The following GNG4 variants were observed in gnomAD, a reference collection of about 807,000 sequenced individuals.
The protein encoded by GNG4 is G protein subunit gamma 4, also known as guanine nucleotide-binding protein G(I)/G(S)/G(O) subunit gamma-4.
In GNG4, 4 loss-of-function variants were observed where a neutral mutation model predicts 5.8. That is an observed-to-expected ratio of 0.69 (90% CI 0.34 to 1.57). GNG4 has a LOEUF of 1.57. Among genes scored for constraint, GNG4 ranks in the 40% most tolerant of loss-of-function variants. The pLI is 0.06. For missense variants in GNG4, 96 were observed against 95.1 expected (o/e 1.01, Z -0.04); for synonymous variants, 29 against 32.9 (o/e 0.88, Z 0.41).
intron 1 of GNG4, among the ~76,000 whole-genome samples, chr1:235,601,514 G>A (rs1039352024): frequency 6.6e-6 from 1 of 152,124 alleles, no homozygotes; most frequent in Non-Finnish European, 1.5e-5. Flanking sequence ...AATGAGACTT[G>A]CCCGCCCTCA....
In GNG4 at chr1:235,644,370, C is replaced by G. The variant is rs1439498053; in HGVS notation, c.-123+5292G>C. Among the ~76,000 whole-genome samples, 2 of 152,242 alleles carry G rather than the reference C, an allele frequency of 1.3e-5. No homozygotes were observed. The highest frequency in any genetic ancestry group is 4.8e-5 in the African/African-American group (2 of 41,468). On this transcript the variant is annotated intron_variant, in intron 1 of 3. Transcript: ENST00000391854. The surrounding 1 kb of genome is among the most constrained non-coding windows in gnomAD (Gnocchi z 5.9). ...ACATTTTGGAATTTTCTACTCACAT[C>G]CACCGAGCGACCCTCCTCGGCCACC... is the stretch of plus-strand genomic sequence containing the variant.
Position 235,642,169 on chromosome 1 carries a change from G to A in GNG4, c.-123+7493C>T, listed in dbSNP as rs1002717795. Among the ~76,000 whole-genome samples, 3 of 152,180 alleles carry A rather than the reference G, an allele frequency of 2.0e-5. No individual in the cohort carries two copies. Among genetic ancestry groups the A allele is most frequent in the Non-Finnish European group, 2.9e-5 (2 of 68,042 alleles). The stretch of plus-strand genomic sequence containing the variant: ...ACAGCTAACCACAGCGGTCCGAGGC[G>A]AACGCAGGGTGGAAGAACCCGAGCG... On this transcript the variant is annotated intron_variant, in intron 1 of 3. Coordinates refer to ENST00000391854, the MANE Select transcript of GNG4 (RefSeq NM_001098722.2). This position sits in a 1 kb window ranked among gnomAD's most constrained non-coding sequence, Gnocchi z 4.3.
At chr1:235,613,861 C>T (rs190749581) in intron 1 of GNG4, among the ~76,000 whole-genome samples, 1 of 152,124 alleles carries the variant, frequency 6.6e-6, no homozygotes, top group African/African-American at 2.4e-5. Flanking sequence ...GGTGTGTGAA[C>T]CTTTCAAGCA....
At position 235,567,666 on chromosome 1, in the gene GNG4, T is replaced by A. The variant is rs144271237; in HGVS notation, c.100-15429A>T. Among the ~76,000 whole-genome samples, 556 of 152,314 alleles carry A rather than the reference T, an allele frequency of 3.7e-3. 5 individuals carry two copies. Among genetic ancestry groups the A allele is most frequent in the African/African-American group, 0.011 (443 of 41,556 alleles). On this transcript the variant is annotated intron_variant, in intron 3 of 3. Coordinates refer to ENST00000391854, the MANE Select transcript of GNG4 (RefSeq NM_001098722.2). ...TCCTTCCTGTTTAAGGCTGAATAATTTTCTGTTTTAAGTATACACTACATT... is the reference window on the plus strand; with the variant it reads ...TCCTTCCTGTTTAAGGCTGAATAATATTCTGTTTTAAGTATACACTACATT...
chr1:235,619,003 T>A (rs1688653489), intron 1 of GNG4, among the ~76,000 whole-genome samples: 1 of 150,538 alleles, frequency 6.6e-6, no homozygotes, highest in South Asian at 2.1e-4. Flanking sequence ...CTCTTAGTCA[T>A]TAAAGGCAGC....
intron 1 of GNG4, among the ~76,000 whole-genome samples, chr1:235,628,993 A>ATTTTTTTTTTTTTTTTTTGTT (rs1688878341): frequency 8.4e-6 from 1 of 118,364 alleles, no homozygotes; most frequent in African/African-American, 3.0e-5. Context: ...ATTTGCTTGA[A>ATTTTTTTTTTTTTTTTTTGTT]TTTTTTTTTT....
chr1:235,602,564 T>G (rs1305959033), intron 1 of GNG4, among the ~76,000 whole-genome samples: 1 of 152,210 alleles, frequency 6.6e-6, no homozygotes, highest in African/African-American at 2.4e-5. Flanking sequence ...CGATACAGTA[T>G]TTCAACAGAG....
At chr1:235,618,806 C>T (rs1232887324) in intron 1 of GNG4, among the ~76,000 whole-genome samples, 1 of 151,608 alleles carries the variant, frequency 6.6e-6, no homozygotes, top group African/African-American at 2.4e-5. Flanking sequence ...CAGGCATGTG[C>T]CACCCCACCT....
At chr1:235,605,036 C>T (rs762249867) in intron 1 of GNG4, among the ~76,000 whole-genome samples, 3 of 152,034 alleles carry the variant, frequency 2.0e-5, no homozygotes, top group Non-Finnish European at 2.9e-5. Context: ...AATTGAGATC[C>T]GGCCAGCTAA....
At chr1:235,636,569 C>G (rs1249759771) in intron 1 of GNG4, among the ~76,000 whole-genome samples, 1 of 152,180 alleles carries the variant, frequency 6.6e-6, no homozygotes, top group Non-Finnish European at 1.5e-5. Flanking sequence ...AGAGACCTCC[C>G]ATCAGAGACC....
intron 3 of GNG4, among the ~76,000 whole-genome samples, chr1:235,563,288 C>T (rs376463930): frequency 4.6e-4 from 69 of 151,326 alleles, no homozygotes; most frequent in East Asian, 5.9e-4. Context: ...CCGGGCGTAG[C>T]GGTGCGCACC....
Position 235,583,817 on chromosome 1 carries a change from T to G in GNG4, c.22A>C (p.Asn8His). The G allele has an allele frequency of 6.2e-7, 1 of 1,613,326 alleles. No homozygotes were observed. The highest frequency in any genetic ancestry group is 8.5e-7 in the Non-Finnish European group (1 of 1,179,298). Residue 8 changes from asparagine to histidine, a missense_variant, in exon 3 of 4, where the codon AAC becomes CAC. Coordinates refer to ENST00000391854, the MANE Select transcript of GNG4 (RefSeq NM_001098722.2). Reference protein sequence around the residue: MKEGMSNNSTTSISQARK... With the variant: MKEGMSNHSTTSISQARK... Reference sequence around the variant, plus strand: ...GCTTGGGAGATGCTAGTGGTGCTGTTATTAGACATGCCCTCTTTCATTCTA... The same window carrying G: ...GCTTGGGAGATGCTAGTGGTGCTGTGATTAGACATGCCCTCTTTCATTCTA...
At chr1:235,568,750 C>T (rs1687264692) in intron 3 of GNG4, among the ~76,000 whole-genome samples, 4 of 151,290 alleles carry the variant, frequency 2.6e-5, no homozygotes, top group Admixed American at 2.6e-4. Flanking sequence ...TTGTATCCTT[C>T]CTTCATCAAA....
At chr1:235,624,799 C>G (rs1156245405) in intron 1 of GNG4, among the ~76,000 whole-genome samples, 7 of 152,210 alleles carry the variant, frequency 4.6e-5, no homozygotes, top group African/African-American at 1.4e-4. Context: ...CTACCATTTC[C>G]TCTCCCAGCT....
chr1:235,637,479 C>T (rs1657153333), intron 1 of GNG4, among the ~76,000 whole-genome samples: 1 of 151,178 alleles, frequency 6.6e-6, no homozygotes. Flanking sequence ...ATGGCGAAAC[C>T]CCTTCTCTAC....
chr1:235,625,546 G>C (rs1174913543), intron 1 of GNG4, among the ~76,000 whole-genome samples: 1 of 152,040 alleles, frequency 6.6e-6, no homozygotes, highest in African/African-American at 2.4e-5. Context: ...GTCACACAGA[G>C]GAGTTTCCTG....
At chr1:235,576,429 C>T (rs1012608243) in intron 3 of GNG4, among the ~76,000 whole-genome samples, 1 of 152,154 alleles carries the variant, frequency 6.6e-6, no homozygotes, top group Admixed American at 6.5e-5. Flanking sequence ...AAGAATAAGG[C>T]TATGATGGTA....
At chr1:235,628,678 G>A (rs148075116) in intron 1 of GNG4, among the ~76,000 whole-genome samples, 5 of 152,278 alleles carry the variant, frequency 3.3e-5, no homozygotes, top group South Asian at 2.1e-4. Context: ...TTCGATTTGC[G>A]TTTTAAAACA....
chr1:235,556,207 C>T (rs1686901654), intron 3 of GNG4, among the ~76,000 whole-genome samples: 1 of 151,880 alleles, frequency 6.6e-6, no homozygotes. Flanking sequence ...ATCTTAAAGC[C>T]ACTTTACAGA....
Sources: gnomAD v4.1 joint callset for allele counts (sites outside exome capture counted in the v4.1 genomes callset) on GRCh38, gnomAD v4.1.1 for gene constraint, Gnocchi (gnomAD v3.1) non-coding constraint, MANE v1.5 for transcripts, NCBI Gene and HGNC (gene_info 2026-07-23, HGNC 2026-07-21) for gene names.